The following ITGA11 variants were observed in gnomAD, a reference collection of about 807,000 sequenced individuals.
ITGA11 encodes integrin subunit alpha 11.
ITGA11 carries 97 observed loss-of-function variants against 141.9 expected under a neutral mutation model. The observed-to-expected ratio is 0.68, with a 90% CI of 0.58 to 0.81. The LOEUF is 0.81. Ranked by LOEUF, ITGA11 falls within the 30% of genes least tolerant of loss-of-function variation. ITGA11 has a pLI of 0.00. For synonymous variants in ITGA11, 658 were observed against 624.6 expected, an observed-to-expected ratio of 1.05 and a Z score of -0.80; for missense variants, 1,387 against 1,559.2, an observed-to-expected ratio of 0.89 and a Z score of 1.86.
At chr15:68,369,143 A>G in intron 3 of ITGA11, 41 bp downstream of exon 3, 1 of 1,438,758 alleles carries the variant, frequency 7.0e-7, no homozygotes, top group Non-Finnish European at 9.8e-7. Context: ...GTGTTAGACA[A>G]CCGCTGGCCT....
Position 68,363,056 on chromosome 15 carries a change from G to T in ITGA11, c.358-1352C>A, listed in dbSNP as rs756860137. Among the ~76,000 whole-genome samples the T allele has an allele frequency of 3.5e-4, 54 of 152,268 alleles. 1 individual carries two copies. The highest frequency in any genetic ancestry group is 7.6e-4 in the Non-Finnish European group (52 of 68,024). On this transcript the variant is annotated intron_variant, in intron 4 of 29. Coordinates refer to ENST00000315757, the MANE Select transcript of ITGA11 (RefSeq NM_001004439.2). ...GGTGGATGAATGATAGATGATGGAG[G>T]TTGATGGATGGATGCAGGAAGGAAT...
In ITGA11 at chr15:68,333,814, C is replaced by A. The variant is rs1416479803; in HGVS notation, c.1426-1336G>T. Among the ~76,000 whole-genome samples the A allele has an allele frequency of 6.6e-6, 1 of 152,188 alleles. No individual in the cohort carries two copies. The highest frequency in any genetic ancestry group is 1.9e-4 in the East Asian group (1 of 5,200). The stretch of plus-strand genomic sequence containing the variant: ...GTGCTGGACCAGCCTCCCTCCCCAG[C>A]CTCTGTCCCCACAAGCTCCTGCTCC... On this transcript the variant is annotated intron_variant, in intron 12 of 29. Transcript: ENST00000315757. This position sits in a 1 kb window ranked among gnomAD's most constrained non-coding sequence, Gnocchi z 4.2.
At chr15:68,431,449 C>A (rs1005263094) in intron 1 of ITGA11, among the ~76,000 whole-genome samples, 1 of 152,236 alleles carries the variant, frequency 6.6e-6, no homozygotes, top group Admixed American at 6.5e-5. Flanking sequence ...CTAGCCCCCG[C>A]CTACCGGCCA....
At chr15:68,385,953 T>C (rs1895975589) in intron 2 of ITGA11, among the ~76,000 whole-genome samples, 2 of 152,034 alleles carry the variant, frequency 1.3e-5, no homozygotes, top group African/African-American at 4.8e-5. Context: ...CAGGCCTGAG[T>C]GGTCCACCTG....
rs755403397 is a variant in ITGA11, at chr15:68,326,838, A to T, written c.2069-42T>A. ...GGCAAGACCACAAAGGTGGAGCCAC[A>T]TGCCCATCCAAGACTGTCTGCCTCC... is the stretch of plus-strand genomic sequence containing the variant. On this transcript the variant is annotated intron_variant, in intron 16 of 29. Transcript: ENST00000315757. The surrounding 1 kb of genome is among the most constrained non-coding windows in gnomAD (Gnocchi z 6.8). 3.2e-6 allele frequency: 5 copies of T among 1,547,940 alleles called. No individual in the cohort carries two copies. In the South Asian group the frequency reaches 6.1e-5, roughly 19 times the overall value.
Position 68,351,301 on chromosome 15 carries a change from A to G in ITGA11, c.851T>C (p.Ile284Thr). The G allele has an allele frequency of 6.2e-7, 1 of 1,613,948 alleles. No individual in the cohort carries two copies. The highest frequency in any genetic ancestry group is 8.5e-7 in the Non-Finnish European group (1 of 1,179,876). ...SHDSPDLEKV[I>T]QQSERDNVTR... ...TACGTTGTCTCTTTCGCTTTGCTGG[A>G]TCACCTTCTCCAGGTCTGGGCTGTC... Residue 284 changes from isoleucine to threonine, a missense_variant, in exon 8 of 30, where the codon ATC becomes ACC. Coordinates refer to ENST00000315757, the MANE Select transcript of ITGA11 (RefSeq NM_001004439.2).
rs377011407 is a variant in ITGA11, at chr15:68,297,131, T to A, written c.*5928A>T. On this transcript the variant is annotated 3_prime_UTR_variant, in exon 30 of 30. Coordinates refer to ENST00000315757, the MANE Select transcript of ITGA11 (RefSeq NM_001004439.2). ...ATTCTTTTTATTTTGGTATTTTTTG[T>A]AGAGATGGGGTTTTGCCATGATGCC... is the stretch of plus-strand genomic sequence containing the variant. 9 of 152,246 alleles carry A rather than the reference T, an allele frequency of 5.9e-5. No individual in the cohort carries two copies. Among genetic ancestry groups the A allele is most frequent in the African/African-American group, 2.2e-4 (9 of 41,526 alleles). 9.4% of individuals were successfully genotyped at this position (152,246 alleles called of 1,614,324 possible). A position where few individuals can be genotyped will look rare whatever the true frequency, so the allele number is the denominator to read the frequency against.
chr15:68,365,216 C>T (rs1263056559), intron 3 of ITGA11: 1 of 985,314 alleles, frequency 1.0e-6, no homozygotes, highest in Non-Finnish European at 1.2e-6. Flanking sequence ...CACACTTAAC[C>T]AGTCCTGTGC....
intron 7 of ITGA11, 174 bp downstream of exon 7, chr15:68,356,977 G>C (rs941083115): frequency 2.0e-5 from 12 of 613,982 alleles, no homozygotes; most frequent in Middle Eastern, 4.4e-4. Flanking sequence ...AACTACCTGA[G>C]AGGACCCAAG....
intron 5 of ITGA11, among the ~76,000 whole-genome samples, chr15:68,360,449 C>A (rs548283084): frequency 6.6e-6 from 1 of 152,234 alleles, no homozygotes; most frequent in African/African-American, 2.4e-5. Flanking sequence ...CATGGCTGAA[C>A]ACTCCCTTGG....
intron 1 of ITGA11, among the ~76,000 whole-genome samples, chr15:68,411,922 CTGCCCCAGCTGAGT>C (rs1896779021): frequency 6.6e-6 from 1 of 152,018 alleles, no homozygotes; most frequent in East Asian, 1.9e-4. Context: ...CGGAGCAGAG[CTGCCCCAGCTGAGT>C]TGCCCCAGCC....
At chr15:68,427,228 CAAATA>C (rs1208096948) in intron 1 of ITGA11, among the ~76,000 whole-genome samples, 1 of 152,134 alleles carries the variant, frequency 6.6e-6, no homozygotes, top group Non-Finnish European at 1.5e-5. Context: ...TGACATCAAT[CAAATA>C]TTAAATGATG....
intron 28 of ITGA11, among the ~76,000 whole-genome samples, chr15:68,306,843 G>A (rs1029675589): frequency 6.6e-6 from 1 of 152,256 alleles, no homozygotes; most frequent in Admixed American, 6.5e-5. Context: ...CCAGTGGAGG[G>A]CAGCAGCGTC....
rs150278204 is a variant in ITGA11, at chr15:68,417,235, C to A, written c.53-14206G>T. Among the ~76,000 whole-genome samples the A allele has an allele frequency of 4.6e-5, 7 of 152,260 alleles. No homozygotes were observed. In the East Asian group the frequency reaches 1.4e-3, roughly 29 times the overall value. On this transcript the variant is annotated intron_variant, in intron 1 of 29. Transcript: ENST00000315757. ...CACATTTCACATGCTGGAAAAGGAACCCAGGTTTTCGCTTCTTAAATGGTT... is the reference window on the plus strand; with the variant it reads ...CACATTTCACATGCTGGAAAAGGAAACCAGGTTTTCGCTTCTTAAATGGTT...
At chr15:68,407,639 CAG>C (rs1182122699) in intron 1 of ITGA11, among the ~76,000 whole-genome samples, 2 of 152,138 alleles carry the variant, frequency 1.3e-5, no homozygotes, top group Non-Finnish European at 2.9e-5. Flanking sequence ...ATATTGATGA[CAG>C]AGGGGGAAAA....
At chr15:68,344,170 G>A (rs1410517701) in intron 10 of ITGA11, among the ~76,000 whole-genome samples, 1 of 152,096 alleles carries the variant, frequency 6.6e-6, no homozygotes, top group African/African-American at 2.4e-5. Flanking sequence ...AAACCCTTGG[G>A]ACCAGCGTGG....
intron 1 of ITGA11, among the ~76,000 whole-genome samples, chr15:68,406,513 A>C (rs940841938): frequency 3.9e-5 from 6 of 152,176 alleles, no homozygotes; most frequent in African/African-American, 1.4e-4. Flanking sequence ...TCTCTGTTTC[A>C]ATGCCATCTT....
At chr15:68,317,898 C>G (rs952349388) in intron 20 of ITGA11, among the ~76,000 whole-genome samples, 17 of 152,064 alleles carry the variant, frequency 1.1e-4, no homozygotes, top group East Asian at 1.9e-4. Flanking sequence ...TGTGGAGACT[C>G]TGTGTGTGTC....
At chr15:68,379,338 T>C (rs542803849) in intron 2 of ITGA11, among the ~76,000 whole-genome samples, 1 of 152,334 alleles carries the variant, frequency 6.6e-6, no homozygotes, top group South Asian at 2.1e-4. Flanking sequence ...CCTTTATTGT[T>C]TGTGTCTTTT....
Sources: gnomAD v4.1 joint callset for allele counts (sites outside exome capture counted in the v4.1 genomes callset) on GRCh38, gnomAD v4.1.1 for gene constraint, Gnocchi (gnomAD v3.1) non-coding constraint, MANE v1.5 for transcripts, NCBI Gene and HGNC (gene_info 2026-07-23, HGNC 2026-07-21) for gene names.